KLF8: variants seen among roughly 807,000 people sequenced by gnomAD.
KLF8 encodes Krueppel-like factor 8.
Under a neutral mutation model 18.2 loss-of-function variants are expected in KLF8, and 10 were observed. That is an observed-to-expected ratio of 0.55 (90% confidence interval 0.34 to 0.93). The LOEUF (loss-of-function observed/expected upper bound fraction) is 0.93. KLF8 is among the 40% of genes least tolerant of loss of function. The pLI is 0.02. For synonymous variants in KLF8, 109 were observed against 97.3 expected (o/e 1.12, Z -0.71); for missense variants, 264 against 277.9 (o/e 0.95, Z 0.36).
the KLF8 span, among the ~76,000 whole-genome samples, chrX:56,134,927 A>G: frequency 2.7e-5 from 3 of 111,892 alleles, no homozygotes; most frequent in East Asian, 8.4e-4. Flanking sequence ...CAGCATCACT[A>G]ATGATCAGGG....
chrX:56,066,054 G>A, the KLF8 span, among the ~76,000 whole-genome samples: 3 of 111,753 alleles, frequency 2.7e-5, no homozygotes, highest in African/African-American at 9.8e-5. Context: ...AAGTGGGTGA[G>A]TGAGTCTTTG....
the KLF8 span, among the ~76,000 whole-genome samples, chrX:56,136,611 G>A: frequency 9.0e-6 from 1 of 111,347 alleles, no homozygotes; most frequent in African/African-American, 3.3e-5. Flanking sequence ...ATTCAAGATG[G>A]ATTAAAGACT....
the KLF8 span, among the ~76,000 whole-genome samples, chrX:56,131,508 A>G: frequency 9.0e-6 from 1 of 111,570 alleles, no homozygotes; most frequent in Non-Finnish European, 1.9e-5. Flanking sequence ...TTTGAAACAA[A>G]TCCTGGAAAT....
the KLF8 span, among the ~76,000 whole-genome samples, chrX:56,143,893 C>A: frequency 1.8e-5 from 2 of 112,056 alleles, no homozygotes; most frequent in East Asian, 2.8e-4. Flanking sequence ...TAAAAATCCA[C>A]GGGGTGAAAT....
the KLF8 span, among the ~76,000 whole-genome samples, chrX:55,995,755 T>C: frequency 8.9e-6 from 1 of 111,912 alleles, no homozygotes; most frequent in East Asian, 2.8e-4. Flanking sequence ...CCACTGTTAT[T>C]GTAAAAGGTT....
the KLF8 span, among the ~76,000 whole-genome samples, chrX:56,100,134 G>A: frequency 1.8e-5 from 2 of 111,232 alleles, no homozygotes; most frequent in East Asian, 5.7e-4. Flanking sequence ...TGAAGTCAGT[G>A]CTCATTCACC....
chrX:56,200,066 A>G, the KLF8 span, among the ~76,000 whole-genome samples: 2 of 110,999 alleles, frequency 1.8e-5, no homozygotes, highest in African/African-American at 6.6e-5. Context: ...GGAACATCAC[A>G]CACCAGGGCC....
chrX:56,149,444 G>A, the KLF8 span, among the ~76,000 whole-genome samples: 5 of 110,324 alleles, frequency 4.5e-5, no homozygotes, highest in East Asian at 2.9e-4. Context: ...AGTGGAGGGG[G>A]GAGTGGGACA....
At chrX:56,042,619 G>A in the KLF8 span, among the ~76,000 whole-genome samples, 1 of 111,920 alleles carries the variant, frequency 8.9e-6, no homozygotes, top group Admixed American at 9.5e-5. Context: ...TTAAATCTTT[G>A]TTGGTTTAAA....
At chrX:56,175,631 G>T in the KLF8 span, among the ~76,000 whole-genome samples, 1 of 111,377 alleles carries the variant, frequency 9.0e-6, no homozygotes, top group African/African-American at 3.3e-5. Context: ...GTGCAGAGCA[G>T]AGTTCAATTC....
At chrX:56,234,709 A>C (rs184388043) in intron 1 of KLF8, among the ~76,000 whole-genome samples, 128 of 112,221 alleles carry the variant, frequency 1.1e-3, no homozygotes, top group African/African-American at 3.9e-3. Flanking sequence ...GAATGATATA[A>C]CCAACAGGAC....
the KLF8 span, among the ~76,000 whole-genome samples, chrX:56,137,936 A>T: frequency 1.4e-4 from 15 of 107,749 alleles, no homozygotes; most frequent in East Asian, 4.4e-3. Context: ...TGAAGGAATG[A>T]ATAAGATTGG....
chrX:56,223,075 G>T, the KLF8 span, among the ~76,000 whole-genome samples: 1 of 113,235 alleles, frequency 8.8e-6, no homozygotes, highest in Non-Finnish European at 1.9e-5. Context: ...CGCCAAGAGC[G>T]AGCCAGGGCT....
At chrX:56,094,739 T>G in the KLF8 span, among the ~76,000 whole-genome samples, 291 of 111,122 alleles carry the variant, frequency 2.6e-3, 1 homozygote, top group Non-Finnish European at 4.1e-3. Flanking sequence ...AACAGTAAAA[T>G]TATACAAAAT....
the KLF8 span, among the ~76,000 whole-genome samples, chrX:56,083,526 C>T: frequency 4.5e-4 from 50 of 111,710 alleles, no homozygotes; most frequent in African/African-American, 1.6e-3. Flanking sequence ...GTAGCAGAGG[C>T]TTTTTACTTT....
the KLF8 span, among the ~76,000 whole-genome samples, chrX:56,081,746 T>C: frequency 1.8e-5 from 2 of 112,087 alleles, no homozygotes; most frequent in African/African-American, 3.2e-5. Context: ...TCTATTAATG[T>C]GATGTATTAC....
chrX:56,106,234 A>G, the KLF8 span, among the ~76,000 whole-genome samples: 1 of 111,015 alleles, frequency 9.0e-6, no homozygotes, highest in South Asian at 3.8e-4. Context: ...GTGGCATTCT[A>G]TGTATTTCCT....
chrX:56,149,556 C>G, the KLF8 span, among the ~76,000 whole-genome samples: 1 of 110,810 alleles, frequency 9.0e-6, no homozygotes, highest in East Asian at 2.8e-4. Context: ...AACCAACAAA[C>G]CTGCACATAT....
the KLF8 span, among the ~76,000 whole-genome samples, chrX:56,112,596 G>A: frequency 9.0e-6 from 1 of 110,844 alleles, no homozygotes; most frequent in Non-Finnish European, 1.9e-5. Flanking sequence ...GCACATGTTG[G>A]TATGCTTGAA....
Sources: allele counts gnomAD v4.1 joint callset (sites outside exome capture counted in the v4.1 genomes callset), GRCh38; gene constraint gnomAD v4.1.1; transcripts MANE v1.5; gene names NCBI Gene and HGNC (gene_info 2026-07-23, HGNC 2026-07-21).